CADM1: variants seen among roughly 807,000 people sequenced by gnomAD.
CADM1 encodes cell adhesion molecule 1, also known as TSLC-1.
A neutral mutation model predicts 53.1 loss-of-function variants in CADM1; 15 were observed. That is an observed-to-expected ratio of 0.28 (90% CI 0.19 to 0.44). CADM1 has a LOEUF of 0.44. CADM1 is among the 20% of genes least tolerant of loss of function. CADM1 has a pLI of 1.00. For missense variants in CADM1, 434 were observed against 611.3 expected (o/e 0.71, Z 3.06); for synonymous variants, 281 against 243.0 (o/e 1.16, Z -1.45).
rs954639204 is a variant in CADM1, at chr11:115,413,794, G to C, written c.124+90477C>G. On this transcript the variant is annotated intron_variant, in intron 1 of 11. Transcript: ENST00000331581. ...GGAGTAGCTGGGATTACAGGCACAC[G>C]CCACCATGCCCAGCTAATTTTTGTA... is the stretch of plus-strand genomic sequence containing the variant. Among the ~76,000 whole-genome samples, 10 of 151,810 alleles carry C rather than the reference G, an allele frequency of 6.6e-5. 1 individual carries two copies. The highest frequency in any genetic ancestry group is 4.6e-4 in the Admixed American group (7 of 15,236).
chr11:115,190,743 GA>G (rs1939808147), intron 10 of CADM1, 144 bp downstream of exon 10: 1 of 596,236 alleles, frequency 1.7e-6, no homozygotes, highest in African/African-American at 1.8e-5. Flanking sequence ...GACCGGGGAG[GA>G]AGACAGTATT....
intron 11 of CADM1, 120 bp from the exon 12 acceptor site, chr11:115,176,712 G>T: frequency 1.2e-6 from 1 of 846,692 alleles, no homozygotes. Flanking sequence ...CAGCAGAGGG[G>T]AAAAAACAAT....
chr11:115,239,712 G>GT (rs1942149364), intron 2 of CADM1, among the ~76,000 whole-genome samples: 4 of 142,534 alleles, frequency 2.8e-5, no homozygotes, highest in Middle Eastern at 3.6e-3. Context: ...AACAGTTTTT[G>GT]GTTTTTTTTT....
chr11:115,259,824 C>T (rs1017636512), intron 1 of CADM1, among the ~76,000 whole-genome samples: 2 of 152,214 alleles, frequency 1.3e-5, no homozygotes, highest in Admixed American at 1.3e-4. Context: ...CTCTGTAACT[C>T]CTGGCTCCAT....
intron 5 of CADM1, among the ~76,000 whole-genome samples, chr11:115,225,806 T>C (rs1239257989): frequency 6.6e-6 from 1 of 152,214 alleles, no homozygotes; most frequent in African/African-American, 2.4e-5. Context: ...ATTTCCTTTT[T>C]AATAGTATTT....
chr11:115,365,963 T>C lies in CADM1; in HGVS notation c.125-125543A>G, dbSNP rs78607146. Among the ~76,000 whole-genome samples, 244 of 152,310 alleles carry C rather than the reference T, an allele frequency of 1.6e-3. 6 individuals carry two copies. The East Asian group carries it at 0.038, about 24-fold the overall frequency. ...CAGCTGTCTACTGATTGATTGGGCA[T>C]TTGTGGGAACACAGAATAGGTTTTA... is the stretch of plus-strand genomic sequence containing the variant. On this transcript the variant is annotated intron_variant, in intron 1 of 11. Coordinates refer to ENST00000331581, the MANE Select transcript of CADM1 (RefSeq NM_001301043.2).
chr11:115,414,505 TA>T (rs1021304385), intron 1 of CADM1, among the ~76,000 whole-genome samples: 49 of 151,320 alleles, frequency 3.2e-4, no homozygotes, highest in Middle Eastern at 3.4e-3. Context: ...GTGCAACTCT[TA>T]AAAAAAAATA....
At chr11:115,329,575 A>T (rs1244107118) in intron 1 of CADM1, among the ~76,000 whole-genome samples, 1 of 152,112 alleles carries the variant, frequency 6.6e-6, no homozygotes, top group Non-Finnish European at 1.5e-5. Context: ...AGCTGATCCC[A>T]TAGTAGCGTC....
At chr11:115,302,245 C>T (rs184873961) in intron 1 of CADM1, among the ~76,000 whole-genome samples, 1 of 152,114 alleles carries the variant, frequency 6.6e-6, no homozygotes, top group East Asian at 1.9e-4. Flanking sequence ...GTACAACAAA[C>T]CCCCTTTACA....
intron 1 of CADM1, among the ~76,000 whole-genome samples, chr11:115,475,724 C>T (rs1949116144): frequency 6.6e-6 from 1 of 151,986 alleles, no homozygotes. Flanking sequence ...CCAGAAAAAG[C>T]AAAACTATAG....
At chr11:115,178,512 C>G in intron 11 of CADM1, 132 bp downstream of exon 11, 5 of 535,472 alleles carry the variant, frequency 9.3e-6, no homozygotes, top group Non-Finnish European at 1.1e-5. Context: ...TCTTCTCTCT[C>G]TTCCAGTTTC....
At chr11:115,358,461 A>G (rs1945937144) in intron 1 of CADM1, among the ~76,000 whole-genome samples, 1 of 152,142 alleles carries the variant, frequency 6.6e-6, no homozygotes, top group Non-Finnish European at 1.5e-5. Flanking sequence ...TAAAACCATC[A>G]GATCTTGTGA....
intron 1 of CADM1, among the ~76,000 whole-genome samples, chr11:115,469,407 CA>C (rs1043069605): frequency 2.6e-5 from 4 of 152,054 alleles, no homozygotes; most frequent in African/African-American, 9.7e-5. Flanking sequence ...GACTGAGGCT[CA>C]AAGAGATTGA....
chr11:115,301,651 G>C (rs1944225040), intron 1 of CADM1, among the ~76,000 whole-genome samples: 1 of 151,998 alleles, frequency 6.6e-6, no homozygotes, highest in Admixed American at 6.6e-5. Flanking sequence ...GTGCATAAAA[G>C]CTGGAATTCT....
intron 1 of CADM1, among the ~76,000 whole-genome samples, chr11:115,274,555 C>T (rs560809559): frequency 5.9e-5 from 9 of 152,342 alleles, no homozygotes; most frequent in South Asian, 2.1e-4. Context: ...TCTGTCAGAG[C>T]CACTCCTGGC....
intron 1 of CADM1, among the ~76,000 whole-genome samples, chr11:115,487,009 G>A (rs1359840657): frequency 6.6e-6 from 1 of 152,190 alleles, no homozygotes; most frequent in Non-Finnish European, 1.5e-5. Flanking sequence ...AATACGAAGA[G>A]AGGAAAGGTC....
Position 115,198,414 on chromosome 11 carries a change from G to C in CADM1, c.1103C>G (p.Ala368Gly), listed in dbSNP as rs1428744857. 1.3e-6 allele frequency: 2 copies of C among 1,595,054 alleles called. No individual in the cohort carries two copies. Among genetic ancestry groups the C allele is most frequent in the East Asian group, 2.2e-5 (1 of 44,818 alleles). The change falls in exon 9 of 12, where the codon GCA (alanine) becomes GGA (glycine). Residue 368 changes from alanine (A) to glycine (G), a missense_variant. Ala to Gly is a moderately conservative substitution (Grantham distance 60). This residue lies in a region of CADM1 where 311 missense variants were observed against 435.1 expected (regional missense o/e 0.71). Coordinates refer to ENST00000331581, the MANE Select transcript of CADM1 (RefSeq NM_001301043.2). ...ITDTTATTEPAVHGLTQLPNS... is the reference protein window; with the variant it reads ...ITDTTATTEPGVHGLTQLPNS... ...AGTAATGTGATACCAACCGTGAACTGCTGGTTCTGTCGTCGCCGTTGTGTC... is the reference window on the plus strand; with the variant it reads ...AGTAATGTGATACCAACCGTGAACTCCTGGTTCTGTCGTCGCCGTTGTGTC...
chr11:115,331,623 T>C (rs1945130067), intron 1 of CADM1, among the ~76,000 whole-genome samples: 1 of 152,074 alleles, frequency 6.6e-6, no homozygotes, highest in African/African-American at 2.4e-5. Context: ...TAAATATCAC[T>C]CATGGCTTAG....
chr11:115,286,173 A>C (rs1241947084), intron 1 of CADM1, among the ~76,000 whole-genome samples: 4 of 152,258 alleles, frequency 2.6e-5, no homozygotes, highest in Non-Finnish European at 5.9e-5. Flanking sequence ...TTTTTAAATT[A>C]GCAAACGAAA....
Sources: gnomAD v4.1 joint callset for allele counts (sites outside exome capture counted in the v4.1 genomes callset) on GRCh38, gnomAD v4.1.1 for gene constraint, gnomAD v4.1.1 regional missense constraint, MANE v1.5 for transcripts, NCBI Gene and HGNC (gene_info 2026-07-23, HGNC 2026-07-21) for gene names.